The following ZNF157 variants were observed in gnomAD, a reference collection of about 807,000 sequenced individuals.
ZNF157 encodes the protein zinc finger protein 157.
Under a neutral mutation model 9.4 loss-of-function variants are expected in ZNF157, and 8 were observed. The observed-to-expected ratio is 0.85, with a 90% CI of 0.50 to 1.53. ZNF157 has a LOEUF of 1.53. ZNF157 is among the 40% of genes most tolerant of loss of function. ZNF157 has a pLI of 0.00. For synonymous variants in ZNF157, 120 were observed against 130.8 expected (o/e 0.92, Z 0.56); for missense variants, 316 against 385.2 (o/e 0.82, Z 1.50).
At chrX:47,379,881 A>G (rs2055856210) in intron 1 of ZNF157, among the ~76,000 whole-genome samples, 1 of 109,999 alleles carries the variant, frequency 9.1e-6, no homozygotes, top group Non-Finnish European at 1.9e-5. Flanking sequence ...ATTCTATTCC[A>G]TTGATCTATT....
At chrX:47,393,304 G>A (rs768111172) in intron 1 of ZNF157, among the ~76,000 whole-genome samples, 15 of 111,926 alleles carry the variant, frequency 1.3e-4, no homozygotes, top group Non-Finnish European at 2.6e-4. Context: ...CCCATTTCCT[G>A]CCTATAAAGT....
At position 47,370,591 on chromosome X, in the gene ZNF157, C is replaced by A; in HGVS notation, c.-78C>A. 1.1e-6 allele frequency: 1 copy of A among 894,518 alleles called. No individual in the cohort carries two copies. The highest frequency in any genetic ancestry group is 1.5e-6 in the Non-Finnish European group (1 of 645,304). The allele number at this position is 894,518 out of a possible 1,213,427, so 73.7% of individuals were successfully genotyped here. On this transcript the variant is annotated 5_prime_UTR_variant, in exon 1 of 4. Coordinates refer to ENST00000377073, the MANE Select transcript of ZNF157 (RefSeq NM_003446.4). ...TCTCTGTGGAGCCATTGAGCCTTAC[C>A]CCTTACTGGAGGCTGCAGGACCCTC...
At chrX:47,381,438 T>C (rs1330553609) in intron 1 of ZNF157, among the ~76,000 whole-genome samples, 1 of 112,083 alleles carries the variant, frequency 8.9e-6, no homozygotes, top group Non-Finnish European at 1.9e-5. Flanking sequence ...ATATTTCATG[T>C]CAAATTTTGT....
intron 1 of ZNF157, among the ~76,000 whole-genome samples, chrX:47,378,208 G>A (rs1273499691): frequency 9.0e-6 from 1 of 110,950 alleles, no homozygotes; most frequent in African/African-American, 3.3e-5. Flanking sequence ...CATAGGAGTT[G>A]AAGCTGTCCT....
In ZNF157 at chrX:47,412,905, G is replaced by A; in HGVS notation, c.832G>A (p.Glu278Lys). ...HTGEKPYECS[E>K]CGKTFRVKIS... ...AGGGGAGAAACCCTATGAATGTAGT[G>A]AATGTGGGAAAACATTTCGTGTAAA... The change falls in exon 4 of 4, where the codon GAA (glutamate) becomes AAA (lysine). Residue 278 changes from glutamate (E) to lysine (K), a missense_variant. By Grantham distance (56) the Glu-to-Lys change is moderately conservative (BLOSUM62 1). Coordinates refer to ENST00000377073, the MANE Select transcript of ZNF157 (RefSeq NM_003446.4). The A allele has an allele frequency of 8.3e-7, 1 of 1,211,682 alleles. No individual in the cohort carries two copies. Among genetic ancestry groups the A allele is most frequent in the Admixed American group, 2.2e-5 (1 of 45,995 alleles).
rs754284017 is a variant in ZNF157 at position 47,387,114 on chromosome X, T to G, written c.72+16374T>G. On this transcript the variant is annotated intron_variant, in intron 1 of 3. Coordinates refer to ENST00000377073, the MANE Select transcript of ZNF157 (RefSeq NM_003446.4). ...CTGGGACTACAGGCGTGCACCACCA[T>G]GCCCTGCTAATTTTTTTTTTTTTTT... Among the ~76,000 whole-genome samples, 403 of 107,591 alleles carry G rather than the reference T, an allele frequency of 3.7e-3. 3 individuals carry two copies. The highest frequency in any genetic ancestry group is 0.013 in the African/African-American group (397 of 29,636). The allele number at this position is 107,591 out of a possible 115,157, so 93.4% of individuals were successfully genotyped here. A position where few individuals can be genotyped will look rare whatever the true frequency, so the allele number is the denominator to read the frequency against.
At chrX:47,408,526 T>C (rs2055953999) in intron 1 of ZNF157, among the ~76,000 whole-genome samples, 1 of 111,295 alleles carries the variant, frequency 9.0e-6, no homozygotes, top group Non-Finnish European at 1.9e-5. Flanking sequence ...GTGATCCTCC[T>C]GCCTCAGCCC....
rs200527089 is a variant in ZNF157 at position 47,413,906 on chromosome X, CT to C, written c.*321del. On this transcript the variant is annotated 3_prime_UTR_variant, in exon 4 of 4. Transcript: ENST00000377073. Reference sequence around the variant, plus strand: ...TTTAACATATGAGAATATAAAAATCCTTTTTTTTTCAGTCATATGTGTTGCA... The same window carrying C: ...TTTAACATATGAGAATATAAAAATCCTTTTTTTTCAGTCATATGTGTTGCA... 1.5e-4 allele frequency: 24 copies of C among 156,472 alleles called. No homozygotes were observed. Among genetic ancestry groups the C allele is most frequent in the Admixed American group, 4.1e-4 (5 of 12,203 alleles). The allele number at this position is 156,472 out of a possible 1,213,427, so 12.9% of individuals were successfully genotyped here. A position where few individuals can be genotyped will look rare whatever the true frequency, so the allele number is the denominator to read the frequency against.
At position 47,413,383 on chromosome X, in the gene ZNF157, C is replaced by A; in HGVS notation, c.1310C>A (p.Thr437Lys). 8 of 1,211,815 alleles carry A rather than the reference C, an allele frequency of 6.6e-6. No individual in the cohort carries two copies. Among genetic ancestry groups the A allele is most frequent in the Non-Finnish European group, 8.9e-6 (8 of 895,487 alleles). Reference protein sequence around the residue: ...KSLCQHRRTHTGEKPYECSEC... With the variant: ...KSLCQHRRTHKGEKPYECSEC... ...CTTTGTCAACACCGGAGAACTCACACAGGAGAGAAACCTTATGAATGTAGT... is the reference window on the plus strand; with the variant it reads ...CTTTGTCAACACCGGAGAACTCACAAAGGAGAGAAACCTTATGAATGTAGT... The change falls in exon 4 of 4, where the codon ACA becomes AAA. Residue 437 changes from threonine (T) to lysine (K), a missense_variant. Physicochemically the swap from Thr to Lys is moderately conservative, Grantham distance 78. Coordinates refer to ENST00000377073, the MANE Select transcript of ZNF157 (RefSeq NM_003446.4).
At chrX:47,406,572 G>A (rs187410963) in intron 1 of ZNF157, among the ~76,000 whole-genome samples, 96 of 110,918 alleles carry the variant, frequency 8.7e-4, no homozygotes, top group African/African-American at 3.0e-3. Flanking sequence ...ACAGGGTTTC[G>A]CCATGTTGGC....
intron 1 of ZNF157, among the ~76,000 whole-genome samples, chrX:47,376,266 G>T (rs751070386): frequency 2.1e-4 from 23 of 111,974 alleles, no homozygotes; most frequent in Non-Finnish European, 3.9e-4. Flanking sequence ...GAACTCAATT[G>T]GCTAAATAAC....
At chrX:47,401,340 C>T (rs988127112) in intron 1 of ZNF157, among the ~76,000 whole-genome samples, 3 of 112,081 alleles carry the variant, frequency 2.7e-5, no homozygotes, top group Non-Finnish European at 5.6e-5. Flanking sequence ...AAGTTGCAGA[C>T]ATTTTCAAAA....
chrX:47,396,133 C>A (rs997800107), intron 1 of ZNF157, among the ~76,000 whole-genome samples: 1 of 110,797 alleles, frequency 9.0e-6, no homozygotes, highest in African/African-American at 3.3e-5. Context: ...ATAAAAATTA[C>A]AGTCCTGTAG....
intron 1 of ZNF157, among the ~76,000 whole-genome samples, chrX:47,408,091 G>C (rs1018856480): frequency 2.8e-5 from 3 of 107,720 alleles, no homozygotes; most frequent in Non-Finnish European, 3.8e-5. Context: ...AAGGCAAAGA[G>C]GAAGAAGGAA....
At chrX:47,410,529 A>G in intron 2 of ZNF157, 127 bp downstream of exon 2, 1 of 997,075 alleles carries the variant, frequency 1.0e-6, no homozygotes, top group Non-Finnish European at 1.4e-6. Flanking sequence ...TTAGGGCACC[A>G]GAAAAAATGT....
At chrX:47,385,258 G>C (rs2055876183) in intron 1 of ZNF157, among the ~76,000 whole-genome samples, 1 of 111,586 alleles carries the variant, frequency 9.0e-6, no homozygotes, top group South Asian at 3.7e-4. Flanking sequence ...TAGTATTTAA[G>C]TATTTACAAA....
intron 1 of ZNF157, among the ~76,000 whole-genome samples, chrX:47,396,996 C>T (rs946104035): frequency 9.0e-6 from 1 of 110,726 alleles, no homozygotes; most frequent in Non-Finnish European, 1.9e-5. Context: ...TCAATTACCT[C>T]CCACTGGGTC....
intron 1 of ZNF157, 98 bp from the exon 2 acceptor site, chrX:47,410,178 C>A (rs1478692953): frequency 1.5e-5 from 17 of 1,120,590 alleles, no homozygotes; most frequent in Non-Finnish European, 2.0e-5. Flanking sequence ...CAGTGTAGCT[C>A]TATTTAGTCA....
chrX:47,381,755 C>G (rs1243086676), intron 1 of ZNF157, among the ~76,000 whole-genome samples: 1 of 111,560 alleles, frequency 9.0e-6, no homozygotes, highest in African/African-American at 3.3e-5. Flanking sequence ...ACCCACAGCT[C>G]ATAGTGACCA....
Sources: gnomAD v4.1 joint callset for allele counts (sites outside exome capture counted in the v4.1 genomes callset) on GRCh38, gnomAD v4.1.1 for gene constraint, MANE v1.5 for transcripts, NCBI Gene and HGNC (gene_info 2026-07-23, HGNC 2026-07-21) for gene names.